Variants in ANKRD17 observed in about 807,000 individuals in gnomAD.
ANKRD17 encodes the protein ankyrin repeat domain-containing protein 17.
A neutral mutation model predicts 229.7 loss-of-function variants in ANKRD17; 19 were observed. That is an observed-to-expected ratio of 0.08 (90% CI 0.06 to 0.12). The LOEUF (loss-of-function observed/expected upper bound fraction) is 0.12. Among genes scored for constraint, ANKRD17 ranks in the 10% least tolerant of loss-of-function variants. The pLI is 1.00. For synonymous variants in ANKRD17, 1,112 were observed against 1,146.1 expected (o/e 0.97, Z 0.60); for missense variants, 2,176 against 3,176.8 (o/e 0.68, Z 7.57).
chr4:73,200,990 G>GA (rs1348733565), intron 1 of ANKRD17, among the ~76,000 whole-genome samples: 4 of 114,770 alleles, frequency 3.5e-5, no homozygotes, highest in African/African-American at 1.4e-4. Context: ...GTATGGGCGG[G>GA]GGGGGGGGGA....
Position 73,124,925 on chromosome 4 carries a change from C to T in ANKRD17, c.3480G>A (p.Gly1160=). 6.2e-7 allele frequency: 1 copy of T among 1,613,998 alleles called. No individual in the cohort carries two copies. The highest frequency in any genetic ancestry group is 1.1e-5 in the South Asian group (1 of 91,072). Residue 1160 remains glycine (G), a synonymous_variant, in exon 18 of 34, where the codon GGG becomes GGA. Transcript: ENST00000358602. ...KDTPLSLACS[G]GRQEVVELLL... ...GGGGAAACATTACCTCCTGTCTTCC[C>T]CCAGAACAAGCCAAGGAGAGTGGTG...
chr4:73,193,119 T>C (rs1039483418), intron 1 of ANKRD17, among the ~76,000 whole-genome samples: 7 of 152,200 alleles, frequency 4.6e-5, no homozygotes, highest in African/African-American at 1.7e-4. Flanking sequence ...CTAACAATCA[T>C]GACTTTTCTG....
At chr4:73,182,837 C>G (rs2149025111) in intron 1 of ANKRD17, among the ~76,000 whole-genome samples, 1 of 152,260 alleles carries the variant, frequency 6.6e-6, no homozygotes, top group East Asian at 1.9e-4. Context: ...TTGTTTGGGG[C>G]TGTCTTGTGT....
At position 73,086,779 on chromosome 4, in the gene ANKRD17, C is replaced by T. The variant is rs997456189; in HGVS notation, c.6962-1333G>A. The stretch of plus-strand genomic sequence containing the variant: ...ATATTTTTGTTTTACCTTTTATTAG[C>T]TTTTATAGAACACATGTCAATATTG... On this transcript the variant is annotated intron_variant, in intron 29 of 33. Coordinates refer to ENST00000358602, the MANE Select transcript of ANKRD17 (RefSeq NM_032217.5). 2.0e-5 allele frequency among the ~76,000 whole-genome samples: 3 copies of T among 146,404 alleles called. No individual in the cohort carries two copies. In the Admixed American group the frequency reaches 2.1e-4, roughly 10 times the overall value.
intron 15 of ANKRD17, among the ~76,000 whole-genome samples, chr4:73,138,790 T>C (rs980714632): frequency 2.0e-5 from 3 of 152,064 alleles, no homozygotes; most frequent in African/African-American, 7.2e-5. Flanking sequence ...ACACAAAAAA[T>C]AAGTACCAAA....
At chr4:73,133,073 C>A (rs1035363042) in intron 16 of ANKRD17, among the ~76,000 whole-genome samples, 15 of 151,926 alleles carry the variant, frequency 9.9e-5, no homozygotes, top group African/African-American at 3.6e-4. Flanking sequence ...CATGGTGAAA[C>A]CCCATCTCTA....
intron 1 of ANKRD17, among the ~76,000 whole-genome samples, chr4:73,236,373 CA>C (rs978751337): frequency 3.3e-5 from 5 of 152,076 alleles, no homozygotes; most frequent in African/African-American, 1.2e-4. Flanking sequence ...AGGAGAGTCT[CA>C]AACTCCCAGC....
intron 1 of ANKRD17, among the ~76,000 whole-genome samples, chr4:73,182,385 A>G (rs1180037037): frequency 6.6e-6 from 1 of 152,170 alleles, no homozygotes; most frequent in Non-Finnish European, 1.5e-5. Context: ...TGAAAAAACC[A>G]GACACAAGGA....
At position 73,102,444 on chromosome 4, in the gene ANKRD17, A is replaced by G; in HGVS notation, c.4505T>C (p.Ile1502Thr). ...AAAGTTCTCTTTATTTTTGGCTTCA[A>G]TTTCTTCTAGTTTCCTTCTTTGTTC... ...KEEQRRKLEE[I>T]EAKNKENFEL... Residue 1502 changes from isoleucine (I) to threonine (T), a missense_variant, in exon 25 of 34, where the codon ATT (isoleucine) becomes ACT (threonine). This residue lies in a region of ANKRD17 where 105 missense variants were observed against 118.3 expected (regional missense o/e 0.89). Coordinates refer to ENST00000358602, the MANE Select transcript of ANKRD17 (RefSeq NM_032217.5). The G allele has an allele frequency of 2.5e-6, 4 of 1,606,192 alleles. No individual in the cohort carries two copies. The highest frequency in any genetic ancestry group is 3.4e-6 in the Non-Finnish European group (4 of 1,178,208).
intron 1 of ANKRD17, among the ~76,000 whole-genome samples, chr4:73,250,557 G>A (rs1213898792): frequency 1.8e-5 from 2 of 108,194 alleles, no homozygotes; most frequent in Non-Finnish European, 3.4e-5. Flanking sequence ...CCGAGAGCAC[G>A]CCACTGCACT....
chr4:73,101,664 C>CAAAAAA lies in ANKRD17; in HGVS notation c.4573+706_4573+711dup, dbSNP rs71215484. 3.5e-4 allele frequency among the ~76,000 whole-genome samples: 39 copies of CAAAAAA among 111,396 alleles called. 2 individuals carry two copies. Among genetic ancestry groups the CAAAAAA allele is most frequent in the Middle Eastern group, 4.8e-3 (1 of 210 alleles). 73.1% of individuals were successfully genotyped at this position (111,396 alleles called of 152,430 possible). A position where few individuals can be genotyped will look rare whatever the true frequency, so the allele number is the denominator to read the frequency against. ...TGGGCAACAGACCAAGACTCGGTCT[C>CAAAAAA]AAAAAAAAAAAAAAAAAGGATTTAT... On this transcript the variant is annotated intron_variant, in intron 25 of 33. Coordinates refer to ENST00000358602, the MANE Select transcript of ANKRD17 (RefSeq NM_032217.5).
chr4:73,258,200 C>G (rs936938540), intron 1 of ANKRD17, 76 bp downstream of exon 1: 1 of 1,600,696 alleles, frequency 6.2e-7, no homozygotes, highest in Non-Finnish European at 8.5e-7. Context: ...CTGTCCCACT[C>G]CAAATCCCCT....
chr4:73,192,358 A>G lies in ANKRD17; in HGVS notation c.394-14825T>C, dbSNP rs370248022. ...AAGCAGCCTGAAGCAAAAAAAACAAAAACAAAAACAAAAACATGGTATGTA... is the reference window on the plus strand; with the variant it reads ...AAGCAGCCTGAAGCAAAAAAAACAAGAACAAAAACAAAAACATGGTATGTA... On this transcript the variant is annotated intron_variant, in intron 1 of 33. Coordinates refer to ENST00000358602, the MANE Select transcript of ANKRD17 (RefSeq NM_032217.5). Among the ~76,000 whole-genome samples, 8 of 152,228 alleles carry G rather than the reference A, an allele frequency of 5.3e-5. 1 individual carries two copies. The East Asian group carries it at 1.3e-3, about 26-fold the overall frequency.
At chr4:73,116,629 A>T (rs113480407) in intron 22 of ANKRD17, among the ~76,000 whole-genome samples, 130 of 152,288 alleles carry the variant, frequency 8.5e-4, no homozygotes, top group African/African-American at 2.9e-3. Flanking sequence ...TTTTCTCTAA[A>T]TGAATAGCTC....
chr4:73,166,873 C>G (rs559793689), intron 2 of ANKRD17, among the ~76,000 whole-genome samples: 5 of 151,716 alleles, frequency 3.3e-5, no homozygotes, highest in African/African-American at 1.2e-4. Context: ...AACATTAAAA[C>G]TATGTAAACC....
intron 26 of ANKRD17, among the ~76,000 whole-genome samples, chr4:73,097,636 C>T (rs1022975740): frequency 6.6e-6 from 1 of 151,960 alleles, no homozygotes; most frequent in Non-Finnish European, 1.5e-5. Context: ...ACAGGGTCTC[C>T]CTATGTTGTC....
intron 3 of ANKRD17, among the ~76,000 whole-genome samples, chr4:73,157,072 T>C (rs1030097620): frequency 1.3e-5 from 2 of 152,116 alleles, no homozygotes; most frequent in South Asian, 2.1e-4. Flanking sequence ...ACATAAAATT[T>C]TAAAACATAA....
chr4:73,143,863 C>T (rs1729910374), intron 11 of ANKRD17, among the ~76,000 whole-genome samples: 2 of 152,132 alleles, frequency 1.3e-5, no homozygotes, highest in South Asian at 2.1e-4. Flanking sequence ...ACCTCAGCCT[C>T]CCAACTAGCT....
intron 1 of ANKRD17, among the ~76,000 whole-genome samples, chr4:73,243,294 C>T (rs1467728025): frequency 1.3e-5 from 2 of 151,994 alleles, no homozygotes; most frequent in African/African-American, 2.4e-5. Context: ...CCTAATGCTA[C>T]GTGAAGAATG....
Sources: gnomAD v4.1 joint callset for allele counts (sites outside exome capture counted in the v4.1 genomes callset) on GRCh38, gnomAD v4.1.1 for gene constraint, gnomAD v4.1.1 regional missense constraint, MANE v1.5 for transcripts, NCBI Gene and HGNC (gene_info 2026-07-23, HGNC 2026-07-21) for gene names.